The following ZNF420 variants were observed in gnomAD, a reference collection of about 807,000 sequenced individuals.
ZNF420 encodes the protein ATM and p53-associated KZNF protein.
ZNF420 carries 31 observed loss-of-function variants against 44.7 expected under a neutral mutation model. The ratio of observed to expected loss-of-function variants is 0.69; its 90% CI spans 0.52 to 0.94. ZNF420 has a LOEUF of 0.94. ZNF420 is among the 40% of genes least tolerant of loss of function. The pLI is 0.00. For synonymous variants in ZNF420, 245 were observed against 267.4 expected (o/e 0.92, Z 0.82); for missense variants, 681 against 827.9 (o/e 0.82, Z 2.18).
chr19:37,128,954 GGT>G lies in ZNF420; in HGVS notation c.1964_1965del (p.Gly655ValfsTer13), dbSNP rs1971517819. Reference sequence around the variant, plus strand: ...GGAATGTGGGAAGGCCTTTACTCGTGGTTCACAGCTAACTCAACATCAGAGAA... The same window carrying G: ...GGAATGTGGGAAGGCCTTTACTCGTGTCACAGCTAACTCAACATCAGAGAA... ...CKECGKAFTR[G>X]SQLTQHQRIH... On this transcript the variant is annotated frameshift_variant, in exon 5 of 5. Transcript: ENST00000337995. LOFTEE classifies it high-confidence loss of function. 6.2e-7 allele frequency: 1 copy of G among 1,613,980 alleles called. No homozygotes were observed.
chr19:37,094,738 G>T (rs1044513247), intron 4 of ZNF420, among the ~76,000 whole-genome samples: 11 of 152,118 alleles, frequency 7.2e-5, no homozygotes, highest in Non-Finnish European at 1.5e-4. Flanking sequence ...ACATCTCTAT[G>T]TCAAATATAT....
rs1971444543 is a variant in ZNF420, at chr19:37,127,917, G to C, written c.926G>C (p.Cys309Ser). 2.5e-6 allele frequency: 4 copies of C among 1,614,104 alleles called. No individual in the cohort carries two copies. Among genetic ancestry groups the C allele is most frequent in the Non-Finnish European group, 3.4e-6 (4 of 1,179,976 alleles). ...CATACCGGTGAGAAACCCTATGAAT[G>C]TAAGGAATGTGGAAAAGCTTTTATT... ...RIHTGEKPYE[C>S]KECGKAFICG... Residue 309 changes from cysteine (C) to serine (S), a missense_variant, in exon 5 of 5, where the codon TGT (cysteine) becomes TCT (serine). Around this residue, in one of 3 missense-constraint regions of ZNF420, gnomAD observed 350 missense variants for 382.5 expected, o/e 0.92. Coordinates refer to ENST00000337995, the MANE Select transcript of ZNF420 (RefSeq NM_144689.5).
chr19:37,096,794 C>T (rs570692953), intron 4 of ZNF420, among the ~76,000 whole-genome samples: 6 of 152,152 alleles, frequency 3.9e-5, no homozygotes, highest in African/African-American at 1.2e-4. Context: ...TTTAAGAAAT[C>T]GGATGCACCA....
chr19:37,018,494 ATATGACAGGGT>A (rs2074623724), intron 1 of ZNF420, among the ~76,000 whole-genome samples: 1 of 152,234 alleles, frequency 6.6e-6, no homozygotes, highest in South Asian at 2.1e-4. Flanking sequence ...GTCAATGGGG[ATATGACAGGGT>A]TCTGAACTGT....
chr19:37,100,863 T>C (rs1969733541), intron 4 of ZNF420, among the ~76,000 whole-genome samples: 1 of 152,202 alleles, frequency 6.6e-6, no homozygotes, highest in Admixed American at 6.5e-5. Context: ...GTATGGACAT[T>C]TTAACAATGT....
chr19:37,129,986 T>C lies in ZNF420; in HGVS notation c.*928T>C. 6.7e-7 allele frequency: 1 copy of C among 1,495,730 alleles called. No homozygotes were observed. Among genetic ancestry groups the C allele is most frequent in the Non-Finnish European group, 8.9e-7 (1 of 1,121,546 alleles). The allele number at this position is 1,495,730 out of a possible 1,614,324, so 92.7% of individuals were successfully genotyped here. A position where few individuals can be genotyped will look rare whatever the true frequency, so the allele number is the denominator to read the frequency against. On this transcript the variant is annotated 3_prime_UTR_variant, in exon 5 of 5. Coordinates refer to ENST00000337995, the MANE Select transcript of ZNF420 (RefSeq NM_144689.5). ...GATACAGACTGCTTTTTTCCTACCC[T>C]ATATCTATTTTCTCTTTTTTAGTAA...
chr19:37,118,753 C>T (rs1464558627), intron 4 of ZNF420, among the ~76,000 whole-genome samples: 1 of 150,872 alleles, frequency 6.6e-6, no homozygotes, highest in Non-Finnish European at 1.5e-5. Flanking sequence ...CACATAGGCT[C>T]AAAATAAAGG....
chr19:37,022,644 A>G (rs2074658082), intron 1 of ZNF420, among the ~76,000 whole-genome samples: 1 of 152,232 alleles, frequency 6.6e-6, no homozygotes, highest in African/African-American at 2.4e-5. Context: ...TGATATCACA[A>G]ATGGAAGCTA....
At position 37,109,904 on chromosome 19, in the gene ZNF420, A is replaced by C. The variant is rs186810025; in HGVS notation, c.137-17224A>C. On this transcript the variant is annotated intron_variant, in intron 4 of 4. Coordinates refer to ENST00000337995, the MANE Select transcript of ZNF420 (RefSeq NM_144689.5). ...AGTATAGAGTGCTAGATTAAGTTGCATCTGAGGAGTGGTACACTCCTTACT... is the reference window on the plus strand; with the variant it reads ...AGTATAGAGTGCTAGATTAAGTTGCCTCTGAGGAGTGGTACACTCCTTACT... The C allele has an allele frequency of 3.0e-4, 45 of 152,288 alleles. No homozygotes were observed. The East Asian group carries it at 8.5e-3, about 29-fold the overall frequency. The allele number at this position is 152,288 out of a possible 1,614,324, so 9.4% of individuals were successfully genotyped here. A position where few individuals can be genotyped will look rare whatever the true frequency, so the allele number is the denominator to read the frequency against.
chr19:37,050,700 C>G (rs1967623274), intron 1 of ZNF420, among the ~76,000 whole-genome samples: 1 of 152,160 alleles, frequency 6.6e-6, no homozygotes, highest in African/African-American at 2.4e-5. Context: ...ATTGAATACC[C>G]TTTACTTCCT....
intron 1 of ZNF420, among the ~76,000 whole-genome samples, chr19:37,038,641 A>G (rs1967398908): frequency 6.6e-6 from 1 of 151,608 alleles, no homozygotes; most frequent in Non-Finnish European, 1.5e-5. Context: ...ATAATAAGCA[A>G]CTCCTCATCC....
At chr19:37,097,966 A>T (rs925942645) in intron 4 of ZNF420, among the ~76,000 whole-genome samples, 3 of 152,038 alleles carry the variant, frequency 2.0e-5, no homozygotes, top group African/African-American at 7.2e-5. Flanking sequence ...GATTGGAATT[A>T]TATATCCTTT....
intron 1 of ZNF420, among the ~76,000 whole-genome samples, chr19:37,022,866 G>A (rs934925079): frequency 1.3e-5 from 2 of 152,140 alleles, no homozygotes; most frequent in African/African-American, 4.8e-5. Flanking sequence ...GGGCAGGCGC[G>A]GTGGCTCACG....
chr19:37,123,096 T>A (rs373069570), intron 4 of ZNF420, among the ~76,000 whole-genome samples: 1 of 152,180 alleles, frequency 6.6e-6, no homozygotes, highest in East Asian at 1.9e-4. Flanking sequence ...ACATGTCCAT[T>A]CCACCAACAA....
chr19:37,059,709 G>C (rs1967834518), intron 1 of ZNF420, among the ~76,000 whole-genome samples: 1 of 152,180 alleles, frequency 6.6e-6, no homozygotes, highest in Non-Finnish European at 1.5e-5. Flanking sequence ...TCACCTGAGG[G>C]TCGTTCTTGC....
intron 4 of ZNF420, among the ~76,000 whole-genome samples, chr19:37,110,927 A>G (rs1002815393): frequency 6.6e-6 from 1 of 152,228 alleles, no homozygotes; most frequent in African/African-American, 2.4e-5. Context: ...TTCCCACAAA[A>G]TCAGCAAGAC....
At chr19:37,112,420 A>G (rs1970429291) in intron 4 of ZNF420, among the ~76,000 whole-genome samples, 1 of 152,174 alleles carries the variant, frequency 6.6e-6, no homozygotes, top group Non-Finnish European at 1.5e-5. Context: ...GCCCTAAGCA[A>G]TGTAAAATCT....
intron 1 of ZNF420, among the ~76,000 whole-genome samples, chr19:37,015,192 T>G (rs1440973132): frequency 1.3e-5 from 2 of 152,150 alleles, no homozygotes; most frequent in African/African-American, 2.4e-5. Context: ...ACTCGTGCGC[T>G]GGAGCGCGGT....
intron 4 of ZNF420, chr19:37,091,854 G>C (rs1405082386): frequency 6.6e-6 from 1 of 151,592 alleles, no homozygotes; most frequent in Non-Finnish European, 1.5e-5. Flanking sequence ...TTGAACCCAT[G>C]AGGTGGAGGT....
Sources: allele counts gnomAD v4.1 joint callset (sites outside exome capture counted in the v4.1 genomes callset), GRCh38; gene constraint gnomAD v4.1.1; regional missense constraint gnomAD v4.1.1; transcripts MANE v1.5; gene names NCBI Gene and HGNC (gene_info 2026-07-23, HGNC 2026-07-21).